BAIAP2L1: variants seen among roughly 807,000 people sequenced by gnomAD.
The protein encoded by BAIAP2L1 is BAR/IMD domain-containing adapter protein 2-like 1.
Under a neutral mutation model 66.3 loss-of-function variants are expected in BAIAP2L1, and 35 were observed. The ratio of observed to expected loss-of-function variants is 0.53; its 90% CI spans 0.40 to 0.70. The LOEUF is 0.70. Among genes scored for constraint, BAIAP2L1 ranks in the 30% least tolerant of loss-of-function variants. BAIAP2L1 has a pLI of 0.00. For missense variants in BAIAP2L1, 622 were observed against 656.9 expected (o/e 0.95, Z 0.58); for synonymous variants, 269 against 248.7 (o/e 1.08, Z -0.77).
chr7:98,364,237 T>C (rs577422670), intron 1 of BAIAP2L1, among the ~76,000 whole-genome samples: 5 of 152,302 alleles, frequency 3.3e-5, no homozygotes, highest in African/African-American at 1.2e-4. Flanking sequence ...CCTGGCTGTT[T>C]TTCCTGGGAT....
chr7:98,297,659 C>T (rs1216316847), intron 12 of BAIAP2L1, among the ~76,000 whole-genome samples: 2 of 152,148 alleles, frequency 1.3e-5, no homozygotes, highest in Non-Finnish European at 2.9e-5. Context: ...CCCCTTTATT[C>T]TCAAAAGGGG....
At chr7:98,354,160 A>G (rs1474594123) in intron 3 of BAIAP2L1, among the ~76,000 whole-genome samples, 1 of 151,566 alleles carries the variant, frequency 6.6e-6, no homozygotes, top group East Asian at 1.9e-4. Flanking sequence ...CAGCTCCTCA[A>G]CTCCACTGTC....
intron 1 of BAIAP2L1, among the ~76,000 whole-genome samples, chr7:98,386,953 C>T (rs1201777881): frequency 2.6e-5 from 4 of 152,072 alleles, no homozygotes; most frequent in Non-Finnish European, 5.9e-5. Flanking sequence ...CCCGCCTCGG[C>T]CTCCCAAAGT....
intron 12 of BAIAP2L1, among the ~76,000 whole-genome samples, chr7:98,300,727 C>A (rs1431485927): frequency 6.6e-6 from 1 of 152,102 alleles, no homozygotes; most frequent in East Asian, 1.9e-4. Context: ...GTACGAAAGA[C>A]AGGAGGGCAC....
intron 1 of BAIAP2L1, among the ~76,000 whole-genome samples, chr7:98,385,373 AAC>A (rs1802862152): frequency 1.3e-5 from 2 of 152,244 alleles, no homozygotes; most frequent in Non-Finnish European, 1.5e-5. Flanking sequence ...ATGATTTAAA[AAC>A]AGTTTAAATT....
Position 98,291,953 on chromosome 7 carries a change from A to G in BAIAP2L1, c.*1568T>C, listed in dbSNP as rs1318105225. Reference sequence around the variant, plus strand: ...TGTGGCTGAAGTGGGGAACACGGCCATGGGGCTTGTGTGGACTGAATTCTC... The same window carrying G: ...TGTGGCTGAAGTGGGGAACACGGCCGTGGGGCTTGTGTGGACTGAATTCTC... On this transcript the variant is annotated 3_prime_UTR_variant, in exon 14 of 14. Coordinates refer to ENST00000005260, the MANE Select transcript of BAIAP2L1 (RefSeq NM_018842.5). The G allele has an allele frequency of 6.5e-6, 1 of 152,996 alleles. No homozygotes were observed. Among genetic ancestry groups the G allele is most frequent in the Non-Finnish European group, 1.5e-5 (1 of 68,636 alleles). 9.5% of individuals were successfully genotyped at this position (152,996 alleles called of 1,614,324 possible). A position where few individuals can be genotyped will look rare whatever the true frequency, so the allele number is the denominator to read the frequency against.
At chr7:98,293,896 C>T (rs1800072699) in intron 13 of BAIAP2L1, among the ~76,000 whole-genome samples, 178 bp downstream of exon 13, 4 of 152,200 alleles carry the variant, frequency 2.6e-5, no homozygotes, top group Admixed American at 1.3e-4. Flanking sequence ...AGCCCTGCTC[C>T]CAGCGTGGTC....
chr7:98,386,554 T>C, intron 1 of BAIAP2L1: 2 of 1,597,356 alleles, frequency 1.3e-6, no homozygotes, highest in Non-Finnish European at 1.7e-6. Context: ...TTGCCGCCTT[T>C]CGTAAGGCGC....
intron 12 of BAIAP2L1, among the ~76,000 whole-genome samples, chr7:98,294,774 G>C (rs1424087513): frequency 6.6e-6 from 1 of 152,212 alleles, no homozygotes; most frequent in Non-Finnish European, 1.5e-5. Flanking sequence ...GGGGCTGCTA[G>C]AGCCAGGGAT....
chr7:98,303,423 C>A (rs1301096610), intron 12 of BAIAP2L1, among the ~76,000 whole-genome samples: 2 of 152,242 alleles, frequency 1.3e-5, no homozygotes, highest in African/African-American at 2.4e-5. Context: ...CTAACCTCAG[C>A]CAACCCAGCC....
intron 3 of BAIAP2L1, among the ~76,000 whole-genome samples, chr7:98,353,374 T>G (rs1802042958): frequency 7.2e-6 from 1 of 138,402 alleles, no homozygotes; most frequent in Admixed American, 8.0e-5. Context: ...TACACATATA[T>G]TTATATTATG....
chr7:98,311,130 A>T (rs886302105), intron 8 of BAIAP2L1, among the ~76,000 whole-genome samples: 2 of 151,974 alleles, frequency 1.3e-5, no homozygotes, highest in Admixed American at 1.3e-4. Flanking sequence ...TTTGATGCCT[A>T]TTTTTTTTCC....
chr7:98,369,984 T>C (rs922112773), intron 1 of BAIAP2L1, among the ~76,000 whole-genome samples: 4 of 152,214 alleles, frequency 2.6e-5, no homozygotes, highest in Middle Eastern at 3.4e-3. Context: ...TTTCCTGATA[T>C]AATTCTTAAA....
chr7:98,356,422 C>G (rs777207856), intron 2 of BAIAP2L1, among the ~76,000 whole-genome samples: 4 of 152,046 alleles, frequency 2.6e-5, no homozygotes, highest in Non-Finnish European at 5.9e-5. Context: ...AAAGAGCCCT[C>G]GGGAATCCCA....
chr7:98,317,487 A>C, intron 5 of BAIAP2L1, 131 bp from the exon 6 acceptor site: 1 of 1,226,118 alleles, frequency 8.2e-7, no homozygotes, highest in Non-Finnish European at 1.1e-6. Flanking sequence ...CCATCCTCAC[A>C]CTGGCTGGGG....
intron 1 of BAIAP2L1, among the ~76,000 whole-genome samples, chr7:98,366,606 T>C (rs1802393956): frequency 6.6e-6 from 1 of 152,192 alleles, no homozygotes; most frequent in Non-Finnish European, 1.5e-5. Context: ...TTGGGTATTG[T>C]TTTTAATTCC....
chr7:98,310,327 C>A, intron 9 of BAIAP2L1, 118 bp downstream of exon 9: 1 of 1,157,614 alleles, frequency 8.6e-7, no homozygotes, highest in South Asian at 1.5e-5. Flanking sequence ...ATGTATCTAC[C>A]ATACCTGCTT....
chr7:98,297,742 A>G (rs1800249121), intron 12 of BAIAP2L1, among the ~76,000 whole-genome samples: 2 of 152,272 alleles, frequency 1.3e-5, no homozygotes, highest in South Asian at 4.1e-4. Context: ...CGAGGCACCC[A>G]TGTTGTGACG....
chr7:98,363,186 C>G (rs1272700712), intron 1 of BAIAP2L1, among the ~76,000 whole-genome samples: 2 of 151,956 alleles, frequency 1.3e-5, no homozygotes, highest in Admixed American at 6.6e-5. Flanking sequence ...AGGAGCCCAC[C>G]ACCACACCCA....
Sources: allele counts gnomAD v4.1 joint callset (sites outside exome capture counted in the v4.1 genomes callset), GRCh38; gene constraint gnomAD v4.1.1; transcripts MANE v1.5; gene names NCBI Gene and HGNC (gene_info 2026-07-23, HGNC 2026-07-21).